The following CXCR3 variants were observed in gnomAD, a reference collection of about 807,000 sequenced individuals.
CXCR3 encodes the protein C-X-C motif chemokine receptor 3.
For synonymous variants in CXCR3, 136 were observed against 148.0 expected (o/e 0.92, Z 0.59); for missense variants, 239 against 310.2 (o/e 0.77, Z 1.72).
chrX:71,616,910 T>A lies in CXCR3; in HGVS notation c.562A>T (p.Ile188Phe). ...TCGTCGTGGTGGGCCGACAGGAAGA[T>A]GAAGTCTGGGAGGGCGAAAAGCAGG... The part of the protein sequence containing the change: ...LCLLFALPDF[I>F]FLSAHHDERL... Residue 188 changes from isoleucine to phenylalanine, a missense_variant, in exon 2 of 2, where the codon ATC becomes TTC. Transcript: ENST00000373693. The A allele has an allele frequency of 4.1e-6, 5 of 1,206,552 alleles. No individual in the cohort carries two copies. Among genetic ancestry groups the A allele is most frequent in the Non-Finnish European group, 5.6e-6 (5 of 892,381 alleles).
intron 1 of CXCR3, 121 bp downstream of exon 1, chrX:71,618,317 C>T (rs1479925127): frequency 1.8e-6 from 2 of 1,140,673 alleles, no homozygotes; most frequent in African/African-American, 1.8e-5. Flanking sequence ...CCCATGCGGC[C>T]TCCAGCTACT....
In CXCR3 at chrX:71,618,482, T is replaced by A; in HGVS notation, c.-33A>T. 1 of 1,046,201 alleles carries A rather than the reference T, an allele frequency of 9.6e-7. No individual in the cohort carries two copies. Among genetic ancestry groups the A allele is most frequent in the African/African-American group, 1.8e-5 (1 of 54,694 alleles). 86.2% of individuals were successfully genotyped at this position (1,046,201 alleles called of 1,213,427 possible). On this transcript the variant is annotated 5_prime_UTR_variant, in exon 1 of 2. Coordinates refer to ENST00000373693, the MANE Select transcript of CXCR3 (RefSeq NM_001504.2). ...CTGGTGCTCTGGCTGCTGGGTGGTGTGCTGCCTGCCCCTCTGCTTTGGTGC... is the reference window on the plus strand; with the variant it reads ...CTGGTGCTCTGGCTGCTGGGTGGTGAGCTGCCTGCCCCTCTGCTTTGGTGC...
chrX:71,616,112 T>C lies in CXCR3; in HGVS notation c.*253A>G, dbSNP rs2040843853. On this transcript the variant is annotated 3_prime_UTR_variant, in exon 2 of 2. Transcript: ENST00000373693. ...ACTTGGGGAAGATGAAGTTTTAGTT[T>C]CCAAATGAGAAGGGCAGTGGGGCTC... The C allele has an allele frequency of 8.2e-6, 3 of 366,143 alleles. No homozygotes were observed. Among genetic ancestry groups the C allele is most frequent in the Non-Finnish European group, 9.3e-6 (2 of 215,293 alleles). 30.2% of individuals were successfully genotyped at this position (366,143 alleles called of 1,213,427 possible).
Position 71,616,622 on chromosome X carries a change from C to T in CXCR3, c.850G>A (p.Gly284Ser). The change falls in exon 2 of 2, where the codon GGC (glycine) becomes AGC (serine). Residue 284 changes from glycine (G) to serine (S), a missense_variant. Transcript: ENST00000373693. ...VVLVDILMDL[G>S]ALARNCGRES... ...CGGCCACAGTTGCGGGCCAAAGCGCCCAGGTCCATGAGGATGTCCACCAGC... is the reference window on the plus strand; with the variant it reads ...CGGCCACAGTTGCGGGCCAAAGCGCTCAGGTCCATGAGGATGTCCACCAGC... 8.2e-7 allele frequency: 1 copy of T among 1,212,202 alleles called. No homozygotes were observed. Among genetic ancestry groups the T allele is most frequent in the Non-Finnish European group, 1.1e-6 (1 of 895,615 alleles).
In CXCR3 at chrX:71,616,222, C is replaced by T. The variant is rs2040844697; in HGVS notation, c.*143G>A. On this transcript the variant is annotated 3_prime_UTR_variant, in exon 2 of 2. Transcript: ENST00000373693. ...GTCCTCAGAGCTGGGAGGGTGGCTT[C>T]CCGGGAGACCTGGTGGTGCTGGGGC... is the stretch of plus-strand genomic sequence containing the variant. 1.1e-6 allele frequency: 1 copy of T among 877,676 alleles called. No homozygotes were observed. Among genetic ancestry groups the T allele is most frequent in the Non-Finnish European group, 1.5e-6 (1 of 657,064 alleles). 72.3% of individuals were successfully genotyped at this position (877,676 alleles called of 1,213,427 possible).
chrX:71,617,545 T>A, intron 1 of CXCR3, 86 bp from the exon 2 acceptor site: 5 of 1,165,490 alleles, frequency 4.3e-6, no homozygotes, highest in Non-Finnish European at 5.7e-6. Context: ...AGTCTGTGAT[T>A]TACTCTGAGC....
At chrX:71,617,500 C>T in intron 1 of CXCR3, 41 bp from the exon 2 acceptor site, 1 of 1,203,594 alleles carries the variant, frequency 8.3e-7, no homozygotes, top group East Asian at 3.0e-5. Flanking sequence ...TGTGTAAAGG[C>T]CTGGCAGGAA....
At position 71,616,129 on chromosome X, in the gene CXCR3, G is replaced by A; in HGVS notation, c.*236C>T. On this transcript the variant is annotated 3_prime_UTR_variant, in exon 2 of 2. Transcript: ENST00000373693. ...TTTTAGTTTCCAAATGAGAAGGGCAGTGGGGCTCCAGGCAGCCACCTCGGG... is the reference window on the plus strand; with the variant it reads ...TTTTAGTTTCCAAATGAGAAGGGCAATGGGGCTCCAGGCAGCCACCTCGGG... 2.5e-6 allele frequency: 1 copy of A among 395,398 alleles called. No individual in the cohort carries two copies. The highest frequency in any genetic ancestry group is 4.2e-5 in the East Asian group (1 of 23,972). 32.6% of individuals were successfully genotyped at this position (395,398 alleles called of 1,213,427 possible). A position where few individuals can be genotyped will look rare whatever the true frequency, so the allele number is the denominator to read the frequency against.
At position 71,616,085 on chromosome X, in the gene CXCR3, G is replaced by A. The variant is rs867468648; in HGVS notation, c.*280C>T. On this transcript the variant is annotated 3_prime_UTR_variant, in exon 2 of 2. Coordinates refer to ENST00000373693, the MANE Select transcript of CXCR3 (RefSeq NM_001504.2). The stretch of plus-strand genomic sequence containing the variant: ...CTCTACGCCATGCCTTGTACTCCCC[G>A]CACTTGGGGAAGATGAAGTTTTAGT... 5.9e-6 allele frequency: 2 copies of A among 338,137 alleles called. No homozygotes were observed. Among genetic ancestry groups the A allele is most frequent in the Non-Finnish European group, 1.0e-5 (2 of 197,024 alleles). 27.9% of individuals were successfully genotyped at this position (338,137 alleles called of 1,213,427 possible).
Position 71,616,206 on chromosome X carries a change from G to C in CXCR3, c.*159C>G. On this transcript the variant is annotated 3_prime_UTR_variant, in exon 2 of 2. Coordinates refer to ENST00000373693, the MANE Select transcript of CXCR3 (RefSeq NM_001504.2). ...GAGCAGCAATGGTGCAGTCCTCAGAGCTGGGAGGGTGGCTTCCCGGGAGAC... is the reference window on the plus strand; with the variant it reads ...GAGCAGCAATGGTGCAGTCCTCAGACCTGGGAGGGTGGCTTCCCGGGAGAC... 1.3e-6 allele frequency: 1 copy of C among 753,399 alleles called. No homozygotes were observed. Among genetic ancestry groups the C allele is most frequent in the Non-Finnish European group, 1.8e-6 (1 of 541,299 alleles). The allele number at this position is 753,399 out of a possible 1,213,427, so 62.1% of individuals were successfully genotyped here.
Position 71,616,249 on chromosome X carries a change from G to A in CXCR3, c.*116C>T. On this transcript the variant is annotated 3_prime_UTR_variant, in exon 2 of 2. Coordinates refer to ENST00000373693, the MANE Select transcript of CXCR3 (RefSeq NM_001504.2). ...CGGGAGACCTGGTGGTGCTGGGGCT[G>A]CCAGTGAGTCCCGGGAGCGAGGATA... The A allele has an allele frequency of 1.0e-6, 1 of 1,003,736 alleles. No individual in the cohort carries two copies. Among genetic ancestry groups the A allele is most frequent in the Non-Finnish European group, 1.3e-6 (1 of 763,832 alleles). 82.7% of individuals were successfully genotyped at this position (1,003,736 alleles called of 1,213,427 possible).
Position 71,616,167 on chromosome X carries a change from G to T in CXCR3, c.*198C>A. The stretch of plus-strand genomic sequence containing the variant: ...CAGCCACCTCGGGCGGCAGGATGGG[G>T]CTTGGCAGCTAAGGAGCAGCAATGG... On this transcript the variant is annotated 3_prime_UTR_variant, in exon 2 of 2. Coordinates refer to ENST00000373693, the MANE Select transcript of CXCR3 (RefSeq NM_001504.2). The T allele has an allele frequency of 1.9e-6, 1 of 518,890 alleles. No homozygotes were observed. The highest frequency in any genetic ancestry group is 2.9e-6 in the Non-Finnish European group (1 of 344,276). 42.8% of individuals were successfully genotyped at this position (518,890 alleles called of 1,213,427 possible).
Position 71,618,474 on chromosome X carries a change from G to A in CXCR3, c.-25C>T, listed in dbSNP as rs757220442. ...TGGCTGGGCTGGTGCTCTGGCTGCT[G>A]GGTGGTGTGCTGCCTGCCCCTCTGC... On this transcript the variant is annotated 5_prime_UTR_variant, in exon 1 of 2. Transcript: ENST00000373693. The A allele has an allele frequency of 9.1e-7, 1 of 1,096,405 alleles. No individual in the cohort carries two copies. Among genetic ancestry groups the A allele is most frequent in the Admixed American group, 2.2e-5 (1 of 45,865 alleles). 90.4% of individuals were successfully genotyped at this position (1,096,405 alleles called of 1,213,427 possible). A position where few individuals can be genotyped will look rare whatever the true frequency, so the allele number is the denominator to read the frequency against.
intron 1 of CXCR3, chrX:71,617,810 C>T: frequency 3.1e-6 from 2 of 640,374 alleles, no homozygotes; most frequent in Non-Finnish European, 4.4e-6. Context: ...CAGTGCCCCA[C>T]CCCCAACACA....
rs779802231 is a variant in CXCR3, at chrX:71,617,230, C to T, written c.242G>A (p.Arg81Gln). Reference sequence around the variant, plus strand: ...GTCGGTGCTGCTCAGGGCTGTCCGCCGGCTCAGCAGCACGGCTGCCACCGC... The same window carrying T: ...GTCGGTGCTGCTCAGGGCTGTCCGCTGGCTCAGCAGCACGGCTGCCACCGC... ...NGAVAAVLLSRRTALSSTDTF... is the reference protein window; with the variant it reads ...NGAVAAVLLSQRTALSSTDTF... The change falls in exon 2 of 2, where the codon CGG (arginine) becomes CAG (glutamine). Residue 81 changes from arginine to glutamine, a missense_variant. Transcript: ENST00000373693. 14 of 1,198,214 alleles carry T rather than the reference C, an allele frequency of 1.2e-5. No homozygotes were observed. Among genetic ancestry groups the T allele is most frequent in the African/African-American group, 3.5e-5 (2 of 57,094 alleles).
At chrX:71,617,625 G>A in intron 1 of CXCR3, 166 bp from the exon 2 acceptor site, 1 of 1,119,391 alleles carries the variant, frequency 8.9e-7, no homozygotes, top group Non-Finnish European at 1.2e-6. Flanking sequence ...GCTCAGCCTG[G>A]GCTCTGGGAT....
Position 71,616,356 on chromosome X carries a change from A to G in CXCR3, c.*9T>C. Reference sequence around the variant, plus strand: ...GACTGTGGGCGAAAGGGGAGCCCGGATTCCGGCCTCACAAGCCCGAGTAGG... The same window carrying G: ...GACTGTGGGCGAAAGGGGAGCCCGGGTTCCGGCCTCACAAGCCCGAGTAGG... On this transcript the variant is annotated 3_prime_UTR_variant, in exon 2 of 2. Coordinates refer to ENST00000373693, the MANE Select transcript of CXCR3 (RefSeq NM_001504.2). The G allele has an allele frequency of 8.5e-7, 1 of 1,173,679 alleles. No individual in the cohort carries two copies. Among genetic ancestry groups the G allele is most frequent in the Middle Eastern group, 2.4e-4 (1 of 4,211 alleles).
At position 71,617,049 on chromosome X, in the gene CXCR3, C is replaced by T. The variant is rs755406372; in HGVS notation, c.423G>A (p.Leu141=). The T allele has an allele frequency of 7.5e-6, 9 of 1,202,621 alleles. No homozygotes were observed. Among genetic ancestry groups the T allele is most frequent in the Non-Finnish European group, 1.0e-5 (9 of 890,770 alleles). The part of the protein sequence containing the change: ...FNINFYAGAL[L]LACISFDRYL... Reference sequence around the variant, plus strand: ...AGCGGTCAAAGCTGATGCAGGCCAGCAGGAGGGCTCCTGCGTAGAAGTTGA... The same window carrying T: ...AGCGGTCAAAGCTGATGCAGGCCAGTAGGAGGGCTCCTGCGTAGAAGTTGA... The change falls in exon 2 of 2, where the codon CTG becomes CTA. Residue 141 remains leucine, a synonymous_variant. Transcript: ENST00000373693.
At position 71,616,977 on chromosome X, in the gene CXCR3, C is replaced by T. The variant is rs371066158; in HGVS notation, c.495G>A (p.Pro165=). The T allele has an allele frequency of 1.3e-4, 161 of 1,205,319 alleles. No homozygotes were observed. Among genetic ancestry groups the T allele is most frequent in the Non-Finnish European group, 1.7e-4 (156 of 892,799 alleles). The change falls in exon 2 of 2, where the codon CCG becomes CCA. Residue 165 remains proline (P), a synonymous_variant. Transcript: ENST00000373693. The part of the protein sequence containing the change: ...HATQLYRRGP[P]ARVTLTCLAV... ...CCAGGCAGGTGAGGGTCACGCGGGC[C>T]GGGGGCCCCCGGCGGTAGAGCTGGG...
Sources: gnomAD v4.1 joint callset for allele counts on GRCh38, gnomAD v4.1.1 for gene constraint, MANE v1.5 for transcripts, NCBI Gene and HGNC (gene_info 2026-07-23, HGNC 2026-07-21) for gene names.